FHAD1: variants seen among roughly 807,000 people sequenced by gnomAD.
FHAD1 encodes the protein forkhead-associated domain-containing protein 1.
Under a neutral mutation model 191.3 loss-of-function variants are expected in FHAD1, and 146 were observed. The observed-to-expected ratio is 0.76, with a 90% CI of 0.67 to 0.88. The LOEUF (loss-of-function observed/expected upper bound fraction) is 0.88, where lower values mean the gene tolerates loss of function less well. Ranked by LOEUF, FHAD1 falls within the 40% of genes least tolerant of loss-of-function variation. The probability of loss-of-function intolerance (pLI) is 0.00; values close to 1 mark genes in which losing one functional copy is unlikely to be tolerated. For missense variants in FHAD1, 1,635 were observed against 1,785.8 expected (o/e 0.92, Z 1.52); for synonymous variants, 616 against 672.3 (o/e 0.92, Z 1.29).
At chr1:15,280,618 C>T (rs1279429039) in intron 3 of FHAD1, among the ~76,000 whole-genome samples, 1 of 152,152 alleles carries the variant, frequency 6.6e-6, no homozygotes, top group Admixed American at 6.6e-5. Flanking sequence ...TGGCTGTTTC[C>T]TGCAGGTCAC....
chr1:15,360,348 A>C, intron 21 of FHAD1, 130 bp from the exon 22 acceptor site: 1 of 702,420 alleles, frequency 1.4e-6, no homozygotes, highest in Admixed American at 2.6e-5. Flanking sequence ...CACAGGGCAG[A>C]GGGAACTGCA....
At chr1:15,287,909 TC>T (rs1663074650) in intron 3 of FHAD1, among the ~76,000 whole-genome samples, 1 of 152,178 alleles carries the variant, frequency 6.6e-6, no homozygotes. Flanking sequence ...TCTGTCCTTT[TC>T]CTCATTGTGT....
At chr1:15,388,218 G>T (rs977084559) in intron 32 of FHAD1, 87 bp downstream of exon 32, 3 of 814,550 alleles carry the variant, frequency 3.7e-6, no homozygotes, top group African/African-American at 3.9e-5. Context: ...ATGCCTGCAC[G>T]CGCTGCCCAA....
At position 15,397,198 on chromosome 1, in the gene FHAD1, A is replaced by T. The variant is rs981891593; in HGVS notation, c.4324-99A>T. ...AGAGCGAGACTCCGTCTCAAAAAAAAAAAATTAAATAAAATAAAAAATAAC... is the reference window on the plus strand; with the variant it reads ...AGAGCGAGACTCCGTCTCAAAAAAATAAAATTAAATAAAATAAAAAATAAC... On this transcript the variant is annotated intron_variant, in intron 33 of 33. Transcript: ENST00000688493. The T allele has an allele frequency of 8.7e-6, 5 of 573,896 alleles. No homozygotes were observed. The Admixed American group carries it at 1.8e-4, about 20-fold the overall frequency. The allele number at this position is 573,896 out of a possible 1,614,324, so 35.6% of individuals were successfully genotyped here.
intron 5 of FHAD1, among the ~76,000 whole-genome samples, chr1:15,298,789 G>A (rs945507224): frequency 2.4e-4 from 37 of 152,042 alleles, no homozygotes; most frequent in African/African-American, 7.7e-4. Flanking sequence ...ATCCAACCAC[G>A]TTTCTAAATT....
chr1:15,365,987 G>A, intron 24 of FHAD1, 54 bp downstream of exon 24: 1 of 1,276,750 alleles, frequency 7.8e-7, no homozygotes, highest in South Asian at 1.3e-5. Context: ...AGAAAGGAAG[G>A]AGATGAGGCT....
Position 15,289,343 on chromosome 1 carries a change from A to T in FHAD1, c.301-56A>T, listed in dbSNP as rs1451574410. ...AGCAATGCTGTGGCTGGGACAAAGA[A>T]ATGGAGACCATCCCAGCCGGTCATA... On this transcript the variant is annotated intron_variant, in intron 3 of 33. Coordinates refer to ENST00000688493, the MANE Select transcript of FHAD1 (RefSeq NM_001391957.1). The surrounding 1 kb of genome is among the most constrained non-coding windows in gnomAD (Gnocchi z 4.2). 6.6e-7 allele frequency: 1 copy of T among 1,524,328 alleles called. No individual in the cohort carries two copies. The highest frequency in any genetic ancestry group is 8.8e-7 in the Non-Finnish European group (1 of 1,131,402). 94.4% of individuals were successfully genotyped at this position (1,524,328 alleles called of 1,614,324 possible). A position where few individuals can be genotyped will look rare whatever the true frequency, so the allele number is the denominator to read the frequency against.
At position 15,380,321 on chromosome 1, in the gene FHAD1, C is replaced by G. The variant is rs187872955; in HGVS notation, c.3706-380C>G. Among the ~76,000 whole-genome samples the G allele has an allele frequency of 7.2e-4, 109 of 152,260 alleles. 1 individual carries two copies. Among genetic ancestry groups the G allele is most frequent in the Admixed American group, 3.9e-3 (60 of 15,290 alleles). On this transcript the variant is annotated intron_variant, in intron 28 of 33. Coordinates refer to ENST00000688493, the MANE Select transcript of FHAD1 (RefSeq NM_001391957.1). The stretch of plus-strand genomic sequence containing the variant: ...TGTCTAGTAGCGTCTTTGCTCTCTA[C>G]CCCCTAGATGCTAGTAGCACTCCCC...
chr1:15,358,011 G>A, intron 20 of FHAD1, 99 bp from the exon 21 acceptor site: 1 of 812,014 alleles, frequency 1.2e-6, no homozygotes, highest in Middle Eastern at 3.4e-4. Context: ...AATAATTAGA[G>A]AATAGACTTT....
At chr1:15,396,628 G>A (rs2103212635) in intron 33 of FHAD1, among the ~76,000 whole-genome samples, 1 of 151,972 alleles carries the variant, frequency 6.6e-6, no homozygotes, top group South Asian at 2.1e-4. Flanking sequence ...GACCAACATG[G>A]TGAAACCCCC....
At chr1:15,239,208 C>T (rs2100494638) in intron 1 of FHAD1, among the ~76,000 whole-genome samples, 1 of 152,276 alleles carries the variant, frequency 6.6e-6, no homozygotes, top group East Asian at 1.9e-4. Flanking sequence ...TGCTCAGCCC[C>T]TAAACTCATT....
Position 15,348,708 on chromosome 1 carries a change from G to A in FHAD1, c.2347-334G>A, listed in dbSNP as rs114977041. Among the ~76,000 whole-genome samples the A allele has an allele frequency of 6.5e-3, 992 of 152,266 alleles. 4 individuals carry two copies. The highest frequency in any genetic ancestry group is 0.034 in the Middle Eastern group (10 of 294). ...ATAGGAAGCTGCCCCCGCTGCTCCC[G>A]GGTGCCCTGTCGAGAGCTCTTTATT... On this transcript the variant is annotated intron_variant, in intron 18 of 33. Coordinates refer to ENST00000688493, the MANE Select transcript of FHAD1 (RefSeq NM_001391957.1).
intron 18 of FHAD1, among the ~76,000 whole-genome samples, chr1:15,345,802 G>A (rs1404607771): frequency 1.3e-5 from 2 of 152,126 alleles, no homozygotes; most frequent in East Asian, 1.9e-4. Flanking sequence ...TGACATGGGC[G>A]TCTTCTGTGT....
chr1:15,388,140 G>A lies in FHAD1; in HGVS notation c.4269+9G>A. ...AAGAGAAAGACAGGCAGGTATGGGAGGTGTTCTGATGTTGCAGACACAGAG... is the reference window on the plus strand; with the variant it reads ...AAGAGAAAGACAGGCAGGTATGGGAAGTGTTCTGATGTTGCAGACACAGAG... On this transcript the variant is annotated intron_variant, in intron 32 of 33. Coordinates refer to ENST00000688493, the MANE Select transcript of FHAD1 (RefSeq NM_001391957.1). 7.8e-7 allele frequency: 1 copy of A among 1,286,640 alleles called. No homozygotes were observed. The highest frequency in any genetic ancestry group is 1.0e-6 in the Non-Finnish European group (1 of 986,468). 79.7% of individuals were successfully genotyped at this position (1,286,640 alleles called of 1,614,324 possible). A position where few individuals can be genotyped will look rare whatever the true frequency, so the allele number is the denominator to read the frequency against.
At chr1:15,296,836 C>A (rs929734844) in intron 5 of FHAD1, 43 bp downstream of exon 5, 3 of 1,483,026 alleles carry the variant, frequency 2.0e-6, no homozygotes, top group African/African-American at 1.4e-5. Flanking sequence ...CAGCAGCAAG[C>A]GCACTGCAAA....
intron 3 of FHAD1, among the ~76,000 whole-genome samples, chr1:15,287,758 G>A (rs1166782693): frequency 6.6e-6 from 1 of 152,128 alleles, no homozygotes; most frequent in African/African-American, 2.4e-5. Flanking sequence ...AGCCTTAGGG[G>A]GAATGCATAG....
chr1:15,358,301 G>A lies in FHAD1; in HGVS notation c.2736+18G>A, dbSNP rs751073708. 9.9e-6 allele frequency: 15 copies of A among 1,519,028 alleles called. No homozygotes were observed. Among genetic ancestry groups the A allele is most frequent in the African/African-American group, 4.3e-5 (3 of 70,510 alleles). 94.1% of individuals were successfully genotyped at this position (1,519,028 alleles called of 1,614,324 possible). ...CAAAAATGGTAAGTCGGTGCCTTCC[G>A]GGAACGGGAGAATTTTTCTCTCAAT... On this transcript the variant is annotated intron_variant, in intron 21 of 33. Transcript: ENST00000688493.
At chr1:15,371,069 G>A (rs1008943732) in intron 26 of FHAD1, among the ~76,000 whole-genome samples, 7 of 152,180 alleles carry the variant, frequency 4.6e-5, no homozygotes, top group African/African-American at 1.7e-4. Flanking sequence ...AGGAAGGCAG[G>A]GGCTGCAGCA....
intron 33 of FHAD1, among the ~76,000 whole-genome samples, chr1:15,392,100 G>T (rs774988551): frequency 2.6e-5 from 4 of 152,330 alleles, no homozygotes; most frequent in African/African-American, 9.6e-5. Context: ...AACAGAATGG[G>T]GGCAGATGGT....
Sources: allele counts gnomAD v4.1 joint callset (sites outside exome capture counted in the v4.1 genomes callset), GRCh38; gene constraint gnomAD v4.1.1; non-coding constraint Gnocchi (gnomAD v3.1); transcripts MANE v1.5; gene names NCBI Gene and HGNC (gene_info 2026-07-23, HGNC 2026-07-21).